The following PRKN variants were observed in gnomAD, a reference collection of about 807,000 sequenced individuals.
PRKN encodes parkin RBR E3 ubiquitin protein ligase.
In PRKN, 56 loss-of-function variants were observed where a neutral mutation model predicts 59.5. The observed-to-expected ratio is 0.94, with a 90% CI of 0.76 to 1.18. The LOEUF (loss-of-function observed/expected upper bound fraction) is 1.18. PRKN is among the 50% of genes most tolerant of loss of function. The pLI is 0.00. For missense variants in PRKN, 657 were observed against 596.4 expected, an observed-to-expected ratio of 1.10 and a Z score of -1.06; for synonymous variants, 250 against 222.1, an observed-to-expected ratio of 1.13 and a Z score of -1.12.
chr6:162,629,545 TTTAAA>T (rs1279403031), intron 1 of PRKN, among the ~76,000 whole-genome samples: 1 of 152,180 alleles, frequency 6.6e-6, no homozygotes, highest in South Asian at 2.1e-4. Context: ...ATGCTTTACA[TTTAAA>T]TTAATGTTAA....
intron 7 of PRKN, among the ~76,000 whole-genome samples, chr6:161,773,423 T>C (rs2128203465): frequency 6.6e-6 from 1 of 152,282 alleles, no homozygotes; most frequent in African/African-American, 2.4e-5. Context: ...ATTCAGGCCA[T>C]TCTACTATCT....
At chr6:162,548,180 C>T (rs192379058) in intron 1 of PRKN, among the ~76,000 whole-genome samples, 30 of 152,244 alleles carry the variant, frequency 2.0e-4, no homozygotes, top group African/African-American at 4.1e-4. Context: ...CTGCCTCAGC[C>T]TCCTGAGTAG....
At chr6:161,679,683 C>T (rs867143343) in intron 7 of PRKN, among the ~76,000 whole-genome samples, 14 of 128,776 alleles carry the variant, frequency 1.1e-4, no homozygotes, top group East Asian at 2.3e-4. Context: ...CACCCCCCCC[C>T]CTTTTTTTTT....
At chr6:161,794,715 CA>C (rs2128208916) in intron 6 of PRKN, among the ~76,000 whole-genome samples, 1 of 152,244 alleles carries the variant, frequency 6.6e-6, no homozygotes, top group Non-Finnish European at 1.5e-5. Context: ...CCCATCCCTA[CA>C]GGCAAGACTC....
At chr6:162,098,143 G>T (rs1186644934) in intron 4 of PRKN, among the ~76,000 whole-genome samples, 2 of 152,122 alleles carry the variant, frequency 1.3e-5, no homozygotes, top group African/African-American at 4.8e-5. Flanking sequence ...TGTGGCTGGT[G>T]AAGTGCCTTA....
chr6:162,695,153 T>G (rs564245046), intron 1 of PRKN: 200 of 152,314 alleles, frequency 1.3e-3, no homozygotes, highest in African/African-American at 4.4e-3. Flanking sequence ...ATACTTCATG[T>G]CATTTCCTGA....
intron 6 of PRKN, among the ~76,000 whole-genome samples, chr6:161,885,581 C>A (rs1030288312): frequency 6.6e-6 from 1 of 150,714 alleles, no homozygotes; most frequent in Non-Finnish European, 1.5e-5. Context: ...AGGAGAATGG[C>A]GTGAACCCGG....
chr6:161,432,355 A>ATT (rs1188841520), intron 9 of PRKN, among the ~76,000 whole-genome samples: 759 of 92,182 alleles, frequency 8.2e-3, no homozygotes, highest in East Asian at 0.019. Context: ...ACTTCCTCTG[A>ATT]TTTTTTTTTT....
chr6:162,496,250 G>T (rs1425608071), intron 1 of PRKN, among the ~76,000 whole-genome samples: 1 of 151,872 alleles, frequency 6.6e-6, no homozygotes. Context: ...GGAAAAAAAA[G>T]AAAGAAAAAA....
At chr6:161,683,596 G>T (rs1018496176) in intron 7 of PRKN, among the ~76,000 whole-genome samples, 1 of 152,206 alleles carries the variant, frequency 6.6e-6, no homozygotes, top group Non-Finnish European at 1.5e-5. Context: ...GCACCTGAAC[G>T]CTTGTAAGTC....
chr6:161,462,600 A>C lies in PRKN; in HGVS notation c.1084-75723T>G, dbSNP rs1790273963. On this transcript the variant is annotated intron_variant, in intron 9 of 11. Transcript: ENST00000366898. The surrounding 1 kb of genome is among the most constrained non-coding windows in gnomAD (Gnocchi z 4.5). ...CAATATAGCTCACCCTTATTTTAAAAGGTCTACTTTGAATGTCTCCCCAGG... is the reference window on the plus strand; with the variant it reads ...CAATATAGCTCACCCTTATTTTAAACGGTCTACTTTGAATGTCTCCCCAGG... 6.6e-6 allele frequency among the ~76,000 whole-genome samples: 1 copy of C among 152,314 alleles called. No individual in the cohort carries two copies. The highest frequency in any genetic ancestry group is 2.1e-4 in the South Asian group (1 of 4,824).
intron 4 of PRKN, among the ~76,000 whole-genome samples, chr6:162,186,639 G>T (rs925444312): frequency 2.0e-5 from 3 of 152,182 alleles, no homozygotes; most frequent in Admixed American, 2.0e-4. Context: ...GGTGGGGCAT[G>T]GTGGGAGGTG....
At chr6:161,772,128 G>A (rs1789717750) in intron 7 of PRKN, among the ~76,000 whole-genome samples, 4 of 152,128 alleles carry the variant, frequency 2.6e-5, no homozygotes, top group African/African-American at 7.2e-5. Flanking sequence ...TGATGATGGC[G>A]GTAGTGATGA....
At chr6:161,698,651 T>C (rs958669923) in intron 7 of PRKN, among the ~76,000 whole-genome samples, 4 of 152,132 alleles carry the variant, frequency 2.6e-5, no homozygotes, top group African/African-American at 4.8e-5. Flanking sequence ...AGTTCATAGA[T>C]AGAACCTCAC....
intron 1 of PRKN, among the ~76,000 whole-genome samples, chr6:162,516,001 T>TA (rs1476708737): frequency 6.6e-6 from 1 of 152,196 alleles, no homozygotes; most frequent in African/African-American, 2.4e-5. Context: ...TGCGGAAACT[T>TA]AGCAGTGGAG....
At chr6:161,757,886 TACACACACACACACAC>T (rs373332894) in intron 7 of PRKN, among the ~76,000 whole-genome samples, 8 of 116,250 alleles carry the variant, frequency 6.9e-5, no homozygotes, top group South Asian at 2.9e-4. Context: ...TATATATATA[TACACACACACACACAC>T]ACACACACAC....
At chr6:162,200,129 C>T (rs1784659478) in intron 4 of PRKN, among the ~76,000 whole-genome samples, 1 of 152,132 alleles carries the variant, frequency 6.6e-6, no homozygotes, top group Non-Finnish European at 1.5e-5. Flanking sequence ...CTGGCTGGTG[C>T]CTGGGGTATT....
At chr6:162,462,020 AT>A (rs1384152803) in intron 1 of PRKN, among the ~76,000 whole-genome samples, 5 of 152,182 alleles carry the variant, frequency 3.3e-5, no homozygotes, top group African/African-American at 4.8e-5. Flanking sequence ...GTGTATTTTC[AT>A]TAGCCATGAG....
chr6:162,533,038 C>T (rs113012296), intron 1 of PRKN, among the ~76,000 whole-genome samples: 145 of 152,286 alleles, frequency 9.5e-4, no homozygotes, highest in African/African-American at 3.2e-3. Flanking sequence ...GCTGTACTGA[C>T]GTGCTTCACA....
Sources: gnomAD v4.1 joint callset for allele counts (sites outside exome capture counted in the v4.1 genomes callset) on GRCh38, gnomAD v4.1.1 for gene constraint, Gnocchi (gnomAD v3.1) non-coding constraint, MANE v1.5 for transcripts, NCBI Gene and HGNC (gene_info 2026-07-23, HGNC 2026-07-21) for gene names.